Variants in DUSP10 observed in about 807,000 individuals in gnomAD.
The protein encoded by DUSP10 is dual specificity phosphatase 10, also known as dual specificity protein phosphatase 10.
A neutral mutation model predicts 30.8 loss-of-function variants in DUSP10; 14 were observed. The ratio of observed to expected loss-of-function variants is 0.46; its 90% CI spans 0.30 to 0.71. DUSP10 has a LOEUF of 0.71. DUSP10 is among the 30% of genes least tolerant of loss of function. The pLI is 0.08. For missense variants in DUSP10, 550 were observed against 619.4 expected (o/e 0.89, Z 1.19); for synonymous variants, 254 against 250.4 (o/e 1.01, Z -0.14).
intron 1 of DUSP10, among the ~76,000 whole-genome samples, 185 bp downstream of exon 1, chr1:221,741,796 T>C (rs1459753370): frequency 1.3e-5 from 2 of 152,046 alleles, no homozygotes; most frequent in African/African-American, 4.8e-5. Context: ...CGGAACCTTA[T>C]AACCCTACCT....
Position 221,701,777 on chromosome 1 carries a change from TCA to T in DUSP10, c.*633_*634del, listed in dbSNP as rs919734004. Reference sequence around the variant, plus strand: ...GTGAAGGCATATAATGGTCAGTTCCTCACTATTTCAAAAAAAATCTCTTAAAC... The same window carrying T: ...GTGAAGGCATATAATGGTCAGTTCCTCTATTTCAAAAAAAATCTCTTAAAC... On this transcript the variant is annotated 3_prime_UTR_variant, in exon 4 of 4. Transcript: ENST00000366899. The T allele has an allele frequency of 1.0e-4, 15 of 150,240 alleles. No homozygotes were observed. Among genetic ancestry groups the T allele is most frequent in the African/African-American group, 3.7e-4 (15 of 40,664 alleles). 9.3% of individuals were successfully genotyped at this position (150,240 alleles called of 1,614,324 possible).
At position 221,701,974 on chromosome 1, in the gene DUSP10, CTGTGTGGACAGCCCAGGT is replaced by C; in HGVS notation, c.*420_*437del. The C allele has an allele frequency of 6.3e-6, 1 of 159,186 alleles. No homozygotes were observed. Among genetic ancestry groups the C allele is most frequent in the Non-Finnish European group, 1.4e-5 (1 of 72,484 alleles). The allele number at this position is 159,186 out of a possible 1,614,324, so 9.9% of individuals were successfully genotyped here. A position where few individuals can be genotyped will look rare whatever the true frequency, so the allele number is the denominator to read the frequency against. The stretch of plus-strand genomic sequence containing the variant: ...CTTGGTTTGGTTGGGTTTTTGTTTT[CTGTGTGGACAGCCCAGGT>C]TGATCCCAGGCCTTGGTGATTCAAT... On this transcript the variant is annotated 3_prime_UTR_variant, in exon 4 of 4. Coordinates refer to ENST00000366899, the MANE Select transcript of DUSP10 (RefSeq NM_007207.6).
intron 2 of DUSP10, among the ~76,000 whole-genome samples, chr1:221,725,703 G>C (rs1165000965): frequency 1.3e-5 from 2 of 152,146 alleles, no homozygotes; most frequent in East Asian, 3.8e-4. Flanking sequence ...ATGTGTTTTT[G>C]CTGCCTGTGT....
At chr1:221,720,442 T>A (rs555444439) in intron 2 of DUSP10, among the ~76,000 whole-genome samples, 16 of 152,352 alleles carry the variant, frequency 1.1e-4, no homozygotes, top group African/African-American at 3.8e-4. Flanking sequence ...CTTTGTAATA[T>A]CTTTTATAAT....
At chr1:221,716,858 T>C (rs1661121158) in intron 2 of DUSP10, among the ~76,000 whole-genome samples, 1 of 152,204 alleles carries the variant, frequency 6.6e-6, no homozygotes. Context: ...TCAGATCAAG[T>C]CTGGGATTTG....
chr1:221,709,105 A>C (rs990083534), intron 2 of DUSP10, among the ~76,000 whole-genome samples: 9 of 152,060 alleles, frequency 5.9e-5, no homozygotes, highest in African/African-American at 2.2e-4. Flanking sequence ...TTTCTCAATG[A>C]CATCAGCTGG....
chr1:221,724,293 G>A (rs1661361067), intron 2 of DUSP10, among the ~76,000 whole-genome samples: 1 of 152,132 alleles, frequency 6.6e-6, no homozygotes, highest in African/African-American at 2.4e-5. Context: ...ACCACATTGA[G>A]ATCGGCAACA....
chr1:221,709,002 TAAA>T (rs58346899), intron 2 of DUSP10, among the ~76,000 whole-genome samples: 1 of 139,866 alleles, frequency 7.1e-6, no homozygotes, highest in African/African-American at 2.6e-5. Flanking sequence ...GCAGCTAGTT[TAAA>T]AAAAAAAAAA....
At position 221,739,376 on chromosome 1, in the gene DUSP10, A is replaced by G. The variant is rs1171977740; in HGVS notation, c.369T>C (p.Asn123=). Residue 123 remains asparagine (N), a synonymous_variant, in exon 2 of 4, where the codon AAT becomes AAC. Transcript: ENST00000366899. The stretch of plus-strand genomic sequence containing the variant: ...CACTTGATGGACTTAGAGAGCCTGT[A>G]TTCTCATTATTGTTGACCATCTGGT... ...PANQMVNNNE[N]TGSLSPSSGV... 1.9e-6 allele frequency: 3 copies of G among 1,614,014 alleles called. No homozygotes were observed. Among genetic ancestry groups the G allele is most frequent in the Non-Finnish European group, 2.5e-6 (3 of 1,180,022 alleles).
chr1:221,725,309 A>G (rs116232610), intron 2 of DUSP10, among the ~76,000 whole-genome samples: 2,337 of 152,298 alleles, frequency 0.015, 39 homozygotes, highest in Non-Finnish European at 0.021. Flanking sequence ...AGTGTTCTCA[A>G]AGTTTGTTTT....
chr1:221,741,565 G>C (rs536801770), intron 1 of DUSP10, among the ~76,000 whole-genome samples: 1 of 152,144 alleles, frequency 6.6e-6, no homozygotes, highest in African/African-American at 2.4e-5. Flanking sequence ...CACTAGGCAA[G>C]AGCTGGAGAG....
intron 2 of DUSP10, among the ~76,000 whole-genome samples, chr1:221,732,862 A>T (rs926569016): frequency 7.9e-5 from 12 of 152,346 alleles, no homozygotes; most frequent in African/African-American, 2.9e-4. Context: ...AATCACCTTC[A>T]GGTGATACCA....
At chr1:221,734,943 A>G (rs879763140) in intron 2 of DUSP10, among the ~76,000 whole-genome samples, 9 of 152,182 alleles carry the variant, frequency 5.9e-5, no homozygotes, top group Non-Finnish European at 1.2e-4. Context: ...CAGAAACAGA[A>G]TATTTTTCAC....
Position 221,702,832 on chromosome 1 carries a change from G to A in DUSP10, c.1184-155C>T, listed in dbSNP as rs941398061. ...CAAGTATAATCCACTAGTTCATTAC[G>A]TATACTTATGTCACAACTTCCAGAA... is the stretch of plus-strand genomic sequence containing the variant. On this transcript the variant is annotated intron_variant, in intron 3 of 3. Transcript: ENST00000366899. This position sits in a 1 kb window ranked among gnomAD's most constrained non-coding sequence, Gnocchi z 4.5. 2.0e-5 allele frequency among the ~76,000 whole-genome samples: 3 copies of A among 152,168 alleles called. No homozygotes were observed. Among genetic ancestry groups the A allele is most frequent in the Non-Finnish European group, 2.9e-5 (2 of 68,040 alleles).
At chr1:221,732,286 AT>A (rs1661634222) in intron 2 of DUSP10, among the ~76,000 whole-genome samples, 1 of 152,220 alleles carries the variant, frequency 6.6e-6, no homozygotes, top group Admixed American at 6.5e-5. Flanking sequence ...GGCTTCTTTG[AT>A]ACCTGTTTTG....
chr1:221,739,840 G>T (rs1661897988), intron 1 of DUSP10, 53 bp from the exon 2 acceptor site: 1 of 1,460,424 alleles, frequency 6.8e-7, no homozygotes, highest in Non-Finnish European at 9.0e-7. Context: ...GACACAAAAG[G>T]CAGTCTCATC....
At chr1:221,720,134 G>T (rs1558121506) in intron 2 of DUSP10, among the ~76,000 whole-genome samples, 1 of 152,146 alleles carries the variant, frequency 6.6e-6, no homozygotes, top group Non-Finnish European at 1.5e-5. Flanking sequence ...CCTGGTTCCT[G>T]TAGCATAGCT....
chr1:221,718,621 C>G (rs895782530), intron 2 of DUSP10, among the ~76,000 whole-genome samples: 1 of 152,150 alleles, frequency 6.6e-6, no homozygotes, highest in Non-Finnish European at 1.5e-5. Flanking sequence ...CCTTTCAGTG[C>G]AGAAGTTTAA....
Position 221,706,134 on chromosome 1 carries a change from T to C in DUSP10, c.1144A>G (p.Asn382Asp). The part of the protein sequence containing the change: ...RLPATDSNKQ[N>D]LRQYFEEAFE... ...GCCTCTTCAAAGTACTGCCGCAGGT[T>C]CTGCTTGTTGCTGTCAGTGGCTGGC... The change falls in exon 3 of 4, where the codon AAC (asparagine) becomes GAC (aspartate). Residue 382 changes from asparagine (N) to aspartate (D), a missense_variant. Asn to Asp is a conservative substitution (Grantham distance 23). Coordinates refer to ENST00000366899, the MANE Select transcript of DUSP10 (RefSeq NM_007207.6). The surrounding 1 kb of genome is among the most constrained non-coding windows in gnomAD (Gnocchi z 4.6). 6.2e-7 allele frequency: 1 copy of C among 1,614,160 alleles called. No homozygotes were observed. Among genetic ancestry groups the C allele is most frequent in the Non-Finnish European group, 8.5e-7 (1 of 1,180,028 alleles).
Sources: gnomAD v4.1 joint callset for allele counts (sites outside exome capture counted in the v4.1 genomes callset) on GRCh38, gnomAD v4.1.1 for gene constraint, Gnocchi (gnomAD v3.1) non-coding constraint, MANE v1.5 for transcripts, NCBI Gene and HGNC (gene_info 2026-07-23, HGNC 2026-07-21) for gene names.